Variants in TFDP1 observed in about 807,000 individuals in gnomAD.
TFDP1 encodes transcription factor Dp-1.
A neutral mutation model predicts 48.0 loss-of-function variants in TFDP1; 6 were observed. The observed-to-expected ratio is 0.13, with a 90% CI of 0.07 to 0.25. The LOEUF (loss-of-function observed/expected upper bound fraction) is 0.25. Ranked by LOEUF, TFDP1 falls within the 10% of genes least tolerant of loss-of-function variation. The probability of loss-of-function intolerance (pLI) is 1.00; values close to 1 mark genes in which losing one functional copy is unlikely to be tolerated. For synonymous variants in TFDP1, 201 were observed against 211.6 expected (o/e 0.95, Z 0.44); for missense variants, 335 against 543.0 (o/e 0.62, Z 3.81).
At chr13:113,602,511 C>T (rs1268917783) in intron 2 of TFDP1, among the ~76,000 whole-genome samples, 1 of 152,156 alleles carries the variant, frequency 6.6e-6, no homozygotes, top group Non-Finnish European at 1.5e-5. Flanking sequence ...ATTCATTATG[C>T]AGTTTAATGT....
At chr13:113,635,631 T>C (rs1368023517) in intron 8 of TFDP1, among the ~76,000 whole-genome samples, 2 of 152,122 alleles carry the variant, frequency 1.3e-5, no homozygotes, top group South Asian at 2.1e-4. Flanking sequence ...CATCACCCTG[T>C]AGGTGCCATG....
At chr13:113,614,151 C>T (rs2048794620) in intron 3 of TFDP1, among the ~76,000 whole-genome samples, 1 of 149,078 alleles carries the variant, frequency 6.7e-6, no homozygotes, top group Admixed American at 6.7e-5. Context: ...TGTGCGTGTG[C>T]ATGTGTGTGT....
At chr13:113,606,629 C>T (rs537746052) in intron 2 of TFDP1, among the ~76,000 whole-genome samples, 3 of 152,256 alleles carry the variant, frequency 2.0e-5, no homozygotes, top group Admixed American at 6.5e-5. Context: ...TGCCTGCTCC[C>T]GCTCACGTCT....
intron 2 of TFDP1, among the ~76,000 whole-genome samples, chr13:113,601,719 G>A (rs1315339667): frequency 5.9e-5 from 9 of 152,248 alleles, no homozygotes; most frequent in Non-Finnish European, 1.2e-4. Flanking sequence ...CCAGGTGCGC[G>A]GAAGGTGCTG....
intron 3 of TFDP1, among the ~76,000 whole-genome samples, chr13:113,615,946 G>A (rs939669352): frequency 2.0e-5 from 3 of 151,994 alleles, no homozygotes; most frequent in African/African-American, 7.3e-5. Flanking sequence ...GCTCAAGCCT[G>A]TATCCCAGCA....
Position 113,640,718 on chromosome 13 carries a change from A to T in TFDP1, c.*451A>T, listed in dbSNP as rs528829036. ...TAGCAAGACTCTGTGGAGTTTGTTC[A>T]GTGGTACGGTGTCCAAGCAAACAGC... On this transcript the variant is annotated 3_prime_UTR_variant, in exon 12 of 12. Transcript: ENST00000375370. 97 of 211,900 alleles carry T rather than the reference A, an allele frequency of 4.6e-4. 1 individual carries two copies. The Middle Eastern group carries it at 8.8e-3, about 19-fold the overall frequency. The allele number at this position is 211,900 out of a possible 1,614,324, so 13.1% of individuals were successfully genotyped here.
At chr13:113,626,692 G>A (rs966843607) in intron 4 of TFDP1, among the ~76,000 whole-genome samples, 9 of 152,292 alleles carry the variant, frequency 5.9e-5, no homozygotes, top group South Asian at 2.1e-4. Context: ...GCCCTACCAC[G>A]TCATACGGCT....
At chr13:113,604,566 G>A (rs906977132) in intron 2 of TFDP1, among the ~76,000 whole-genome samples, 5 of 152,174 alleles carry the variant, frequency 3.3e-5, no homozygotes, top group Non-Finnish European at 7.3e-5. Flanking sequence ...GACTTGTGCC[G>A]AGGCCACTTT....
chr13:113,611,981 C>G (rs1475880322), intron 3 of TFDP1, among the ~76,000 whole-genome samples: 2 of 152,136 alleles, frequency 1.3e-5, no homozygotes, highest in African/African-American at 4.8e-5. Flanking sequence ...GTTTTGGGTT[C>G]CTAAAAGGAA....
intron 8 of TFDP1, 106 bp downstream of exon 8, chr13:113,634,708 A>C: frequency 1.3e-6 from 1 of 792,004 alleles, no homozygotes; most frequent in Non-Finnish European, 2.1e-6. Context: ...GGCAAATCAA[A>C]TGACTGCTCT....
intron 4 of TFDP1, among the ~76,000 whole-genome samples, chr13:113,628,163 CTG>C (rs1285998913): frequency 2.0e-5 from 3 of 150,992 alleles, no homozygotes; most frequent in East Asian, 1.9e-4. Context: ...CGTGTAAAGA[CTG>C]TGTCTGAAGC....
At chr13:113,600,996 C>T (rs1170140339) in intron 2 of TFDP1, among the ~76,000 whole-genome samples, 1 of 152,230 alleles carries the variant, frequency 6.6e-6, no homozygotes, top group African/African-American at 2.4e-5. Context: ...TCCTGCTCTT[C>T]CCACTTGATG....
chr13:113,613,295 G>C (rs914910230), intron 3 of TFDP1, among the ~76,000 whole-genome samples: 2 of 152,140 alleles, frequency 1.3e-5, no homozygotes, highest in African/African-American at 2.4e-5. Flanking sequence ...ATTACAGGCG[G>C]GAGCCACTGC....
intron 4 of TFDP1, among the ~76,000 whole-genome samples, chr13:113,625,055 C>T (rs1594504836): frequency 4.7e-5 from 6 of 128,240 alleles, no homozygotes; most frequent in Admixed American, 7.7e-5. Context: ...TCTCACGTGT[C>T]CTCAGGTGTC....
intron 2 of TFDP1, among the ~76,000 whole-genome samples, chr13:113,586,525 A>T (rs150238313): frequency 4.6e-5 from 7 of 152,272 alleles, no homozygotes; most frequent in African/African-American, 1.7e-4. Flanking sequence ...TCACTGAAAC[A>T]CCAGCTGGAT....
chr13:113,635,599 G>A (rs936059223), intron 8 of TFDP1, among the ~76,000 whole-genome samples: 7 of 152,164 alleles, frequency 4.6e-5, no homozygotes, highest in African/African-American at 9.7e-5. Flanking sequence ...CAAAGTCCAC[G>A]GCACGGCACC....
At position 113,598,567 on chromosome 13, in the gene TFDP1, C is replaced by T. The variant is rs372886816; in HGVS notation, c.13-12429C>T. 2.0e-5 allele frequency among the ~76,000 whole-genome samples: 3 copies of T among 152,300 alleles called. No homozygotes were observed. The highest frequency in any genetic ancestry group is 4.1e-4 in the South Asian group (2 of 4,822). ...CACAGCCCCACCTCCCTAACCTGCC[C>T]TCCTGTGACTCCCATTGTGTATGAA... On this transcript the variant is annotated intron_variant, in intron 2 of 11. Coordinates refer to ENST00000375370, the MANE Select transcript of TFDP1 (RefSeq NM_007111.5). This position sits in a 1 kb window ranked among gnomAD's most constrained non-coding sequence, Gnocchi z 4.2.
intron 4 of TFDP1, among the ~76,000 whole-genome samples, chr13:113,626,302 AGG>A: frequency 6.6e-6 from 1 of 152,210 alleles, no homozygotes; most frequent in African/African-American, 2.4e-5. Context: ...ACCACATACC[AGG>A]GATATTTTGG....
intron 2 of TFDP1, among the ~76,000 whole-genome samples, chr13:113,594,261 TAC>T (rs1188893337): frequency 6.8e-6 from 1 of 147,678 alleles, no homozygotes; most frequent in East Asian, 2.0e-4. Flanking sequence ...AGGTGTGGTG[TAC>T]GTGGGTCCTC....
Sources: allele counts gnomAD v4.1 joint callset (sites outside exome capture counted in the v4.1 genomes callset), GRCh38; gene constraint gnomAD v4.1.1; non-coding constraint Gnocchi (gnomAD v3.1); transcripts MANE v1.5; gene names NCBI Gene and HGNC (gene_info 2026-07-23, HGNC 2026-07-21).